The following GCFC2 variants were observed in gnomAD, a reference collection of about 807,000 sequenced individuals.
GCFC2 encodes the protein GC-rich sequence DNA-binding factor 2, also known as intron Large complex component GCFC2.
A neutral mutation model predicts 99.4 loss-of-function variants in GCFC2; 102 were observed. The observed-to-expected ratio is 1.03, with a 90% CI of 0.87 to 1.21. The LOEUF is 1.21. Among genes scored for constraint, GCFC2 ranks in the 50% most tolerant of loss-of-function variants. The pLI is 0.00. For synonymous variants in GCFC2, 338 were observed against 316.8 expected, an observed-to-expected ratio of 1.07 and a Z score of -0.71; for missense variants, 973 against 920.9, an observed-to-expected ratio of 1.06 and a Z score of -0.73.
intron 12 of GCFC2, among the ~76,000 whole-genome samples, chr2:75,678,709 C>T (rs909274179): frequency 6.6e-6 from 1 of 152,188 alleles, no homozygotes; most frequent in African/African-American, 2.4e-5. Context: ...AGCACTGTGA[C>T]AACTAGTTTT....
intron 16 of GCFC2, 91 bp from the exon 17 acceptor site, chr2:75,664,874 A>C: frequency 2.9e-6 from 2 of 684,558 alleles, no homozygotes; most frequent in South Asian, 1.7e-5. Context: ...TGTTAATCTA[A>C]AACAAAAGCT....
intron 5 of GCFC2, among the ~76,000 whole-genome samples, chr2:75,694,743 G>C (rs1391860067): frequency 6.6e-6 from 1 of 152,090 alleles, no homozygotes; most frequent in Non-Finnish European, 1.5e-5. Context: ...TAGTTAAGTA[G>C]AATATTTTTG....
At chr2:75,696,880 G>T (rs907015179) in intron 4 of GCFC2, among the ~76,000 whole-genome samples, 8 of 152,116 alleles carry the variant, frequency 5.3e-5, no homozygotes, top group East Asian at 3.9e-4. Flanking sequence ...CCGCCTCCTG[G>T]GTTCACGCCA....
chr2:75,703,535 T>C (rs934364993), intron 2 of GCFC2, among the ~76,000 whole-genome samples: 4 of 152,198 alleles, frequency 2.6e-5, no homozygotes, highest in South Asian at 2.1e-4. Context: ...TAAATATTCA[T>C]CAAGAACAAG....
At chr2:75,706,766 A>C (rs977359113) in intron 1 of GCFC2, 115 bp from the exon 2 acceptor site, 13 of 579,876 alleles carry the variant, frequency 2.2e-5, no homozygotes, top group African/African-American at 3.8e-5. Context: ...CCTAGTCCAT[A>C]TATTAAAGTA....
rs780484648 is a variant in GCFC2 at position 75,710,654 on chromosome 2, C to A, written c.202G>T (p.Gly68Cys). The A allele has an allele frequency of 7.1e-4, 1,081 of 1,518,648 alleles. 3 individuals carry two copies. The highest frequency in any genetic ancestry group is 9.3e-4 in the South Asian group (77 of 82,434). The allele number at this position is 1,518,648 out of a possible 1,614,324, so 94.1% of individuals were successfully genotyped here. A position where few individuals can be genotyped will look rare whatever the true frequency, so the allele number is the denominator to read the frequency against. ...PHRVRGPRGR[G>C]RVWASSRRAT... ...CGCCGGGAGCTCGCCCAGACCCGGCCCCGGCCACGAGGGCCCCGAACCCGG... is the reference window on the plus strand; with the variant it reads ...CGCCGGGAGCTCGCCCAGACCCGGCACCGGCCACGAGGGCCCCGAACCCGG... Residue 68 changes from glycine to cysteine, a missense_variant, in exon 1 of 17, where the codon GGC becomes TGC. By Grantham distance (159) the Gly-to-Cys change is radical (BLOSUM62 -3). Coordinates refer to ENST00000321027, the MANE Select transcript of GCFC2 (RefSeq NM_003203.5).
chr2:75,679,650 ATTG>A (rs1001834113), intron 12 of GCFC2: 12 of 396,678 alleles, frequency 3.0e-5, no homozygotes, highest in African/African-American at 2.5e-4. Flanking sequence ...TTTTGAAACC[ATTG>A]TTCAAGCAAA....
chr2:75,682,309 T>G (rs191649721), intron 11 of GCFC2, among the ~76,000 whole-genome samples: 3 of 152,042 alleles, frequency 2.0e-5, no homozygotes, highest in Admixed American at 2.0e-4. Context: ...AAACAGGGTC[T>G]GGAGTGGACC....
intron 2 of GCFC2, 75 bp from the exon 3 acceptor site, chr2:75,702,498 G>T: frequency 8.5e-7 from 1 of 1,175,772 alleles, no homozygotes; most frequent in Non-Finnish European, 1.2e-6. Flanking sequence ...TTAAGAAAAA[G>T]AAAAAAGCAC....
At position 75,680,262 on chromosome 2, in the gene GCFC2, T is replaced by TC; in HGVS notation, c.1742_1743insG (p.Ile582AsnfsTer9). ...CAAGAATCACTCTGCAATGTGTTAT[T>TC]AAACTTGTTGTCTGTGAGGTTGACA... On this transcript the variant is annotated frameshift_variant, in exon 12 of 17. Transcript: ENST00000321027. LOFTEE classifies it high-confidence loss of function. 6.2e-7 allele frequency: 1 copy of TC among 1,607,204 alleles called. No individual in the cohort carries two copies.
intron 4 of GCFC2, among the ~76,000 whole-genome samples, chr2:75,697,397 C>T (rs533103678): frequency 7.2e-5 from 11 of 152,362 alleles, no homozygotes; most frequent in Admixed American, 2.6e-4. Context: ...TCCAAACACT[C>T]TTGATATTTT....
chr2:75,671,658 T>C (rs1352959540), intron 14 of GCFC2, among the ~76,000 whole-genome samples: 1 of 152,212 alleles, frequency 6.6e-6, no homozygotes, highest in Non-Finnish European at 1.5e-5. Context: ...TTAACACTTT[T>C]CAAGGACGTT....
At position 75,668,824 on chromosome 2, in the gene GCFC2, A is replaced by G. The variant is rs186607396; in HGVS notation, c.2103+1314T>C. Among the ~76,000 whole-genome samples, 147 of 152,328 alleles carry G rather than the reference A, an allele frequency of 9.7e-4. 1 individual carries two copies. The Middle Eastern group carries it at 0.01, about 11-fold the overall frequency. ...GCTAAGTCAAAGAATATAAGCTTTA[A>G]AAGTTTTGTATCCATCATGCCAAAA... On this transcript the variant is annotated intron_variant, in intron 15 of 16. Transcript: ENST00000321027.
chr2:75,667,839 T>C (rs1481427248), intron 15 of GCFC2, among the ~76,000 whole-genome samples: 1 of 152,192 alleles, frequency 6.6e-6, no homozygotes, highest in Non-Finnish European at 1.5e-5. Flanking sequence ...GGGACTAAAC[T>C]AAACCTGAAC....
intron 5 of GCFC2, 115 bp downstream of exon 5, chr2:75,696,085 T>C (rs569785470): frequency 6.4e-5 from 32 of 501,634 alleles, no homozygotes; most frequent in African/African-American, 1.8e-4. Context: ...AGATCCTTTT[T>C]CCCCCCCATA....
intron 11 of GCFC2, among the ~76,000 whole-genome samples, chr2:75,680,541 C>G (rs1679526976): frequency 6.6e-6 from 1 of 152,146 alleles, no homozygotes; most frequent in African/African-American, 2.4e-5. Flanking sequence ...TTAAGTTCAC[C>G]TTGTCACTGA....
At chr2:75,680,780 C>A (rs569927423) in intron 11 of GCFC2, among the ~76,000 whole-genome samples, 1 of 152,084 alleles carries the variant, frequency 6.6e-6, no homozygotes, top group Non-Finnish European at 1.5e-5. Flanking sequence ...TTTTCTACTC[C>A]CTTGCATTCT....
intron 4 of GCFC2, among the ~76,000 whole-genome samples, chr2:75,698,640 T>C (rs1372289347): frequency 6.6e-6 from 1 of 152,182 alleles, no homozygotes; most frequent in African/African-American, 2.4e-5. Flanking sequence ...TAGTGAGACA[T>C]TTTAAATTTT....
rs1297398235 is a variant in GCFC2 at position 75,706,556 on chromosome 2, T to C, written c.361A>G (p.Ser121Gly). ...GAAAGTTCTTTTTCTCCAAGAGAGC[T>C]AGAACTGTCAGAAGACAAACCCTGA... ...DDQGLSSDSS[S>G]SLGEKELSST... Residue 121 changes from serine to glycine, a missense_variant, in exon 2 of 17, where the codon AGC (serine) becomes GGC (glycine). By Grantham distance (56) the Ser-to-Gly change is moderately conservative. Coordinates refer to ENST00000321027, the MANE Select transcript of GCFC2 (RefSeq NM_003203.5). 6.2e-7 allele frequency: 1 copy of C among 1,604,322 alleles called. No homozygotes were observed. Among genetic ancestry groups the C allele is most frequent in the South Asian group, 1.1e-5 (1 of 90,628 alleles).
Sources: gnomAD v4.1 joint callset for allele counts (sites outside exome capture counted in the v4.1 genomes callset) on GRCh38, gnomAD v4.1.1 for gene constraint, MANE v1.5 for transcripts, NCBI Gene and HGNC (gene_info 2026-07-23, HGNC 2026-07-21) for gene names.